The following DSCAM variants were observed in gnomAD, a reference collection of about 807,000 sequenced individuals.
DSCAM encodes the protein DS cell adhesion molecule, also known as cell adhesion molecule DSCAM.
A neutral mutation model predicts 217.7 loss-of-function variants in DSCAM; 47 were observed. The observed-to-expected ratio is 0.22, with a 90% CI of 0.17 to 0.28. DSCAM has a LOEUF of 0.28. Ranked by LOEUF, DSCAM falls within the 10% of genes least tolerant of loss-of-function variation. The pLI is 1.00. For missense variants in DSCAM, 2,080 were observed against 2,618.3 expected (o/e 0.79, Z 4.49); for synonymous variants, 1,056 against 1,015.3 (o/e 1.04, Z -0.76).
intron 30 of DSCAM, 52 bp downstream of exon 30, chr21:40,051,906 T>G: frequency 3.9e-6 from 6 of 1,554,740 alleles, no homozygotes; most frequent in Non-Finnish European, 5.2e-6. Context: ...AACATTACTA[T>G]GTTTTCAGCA....
intron 3 of DSCAM, among the ~76,000 whole-genome samples, chr21:40,664,987 T>G (rs1292570983): frequency 6.6e-6 from 1 of 152,166 alleles, no homozygotes; most frequent in East Asian, 1.9e-4. Context: ...TCTCTCCCTC[T>G]TGTTCCTGCT....
intron 32 of DSCAM, among the ~76,000 whole-genome samples, chr21:40,017,614 T>C (rs1194101765): frequency 1.3e-5 from 2 of 151,092 alleles, no homozygotes; most frequent in East Asian, 3.9e-4. Context: ...CAGGCTGGAG[T>C]GCAACTCGGT....
chr21:40,506,006 T>C (rs2076207515), intron 3 of DSCAM, among the ~76,000 whole-genome samples: 1 of 152,204 alleles, frequency 6.6e-6, no homozygotes, highest in African/African-American at 2.4e-5. Flanking sequence ...AAACAAGATA[T>C]AAAGTCACTG....
Position 40,637,653 on chromosome 21 carries a change from A to AAATATATATC in DSCAM, c.508+55156_508+55157insGATATATATT, listed in dbSNP as rs2089821960. Among the ~76,000 whole-genome samples, 7 of 12,396 alleles carry AAATATATATC rather than the reference A, an allele frequency of 5.6e-4. 1 individual carries two copies. The highest frequency in any genetic ancestry group is 3.0e-3 in the East Asian group (3 of 1,006). The allele number at this position is 12,396 out of a possible 152,430, so 8.1% of individuals were successfully genotyped here. ...TATAAATATATATAAATATATATCT[A>AAATATATATC]TATATATATATATAAATTTTTTTCT... On this transcript the variant is annotated intron_variant, in intron 3 of 32. Transcript: ENST00000400454.
chr21:40,820,224 T>A (rs147106065), intron 1 of DSCAM, among the ~76,000 whole-genome samples: 1 of 152,050 alleles, frequency 6.6e-6, no homozygotes, highest in African/African-American at 2.4e-5. Flanking sequence ...TGCCCATCAA[T>A]GATAAACTAG....
chr21:40,645,022 C>T (rs1164619561), intron 3 of DSCAM, among the ~76,000 whole-genome samples: 1 of 152,196 alleles, frequency 6.6e-6, no homozygotes, highest in African/African-American at 2.4e-5. Context: ...TTTATTCCAG[C>T]TTCAGGTTTT....
chr21:40,405,217 G>T (rs2075270162), intron 3 of DSCAM, among the ~76,000 whole-genome samples: 1 of 152,110 alleles, frequency 6.6e-6, no homozygotes, highest in African/African-American at 2.4e-5. Flanking sequence ...GTAGACCCTG[G>T]GAAAATGTAA....
Position 40,016,922 on chromosome 21 carries a change from C to A in DSCAM, c.5687-3536G>T, listed in dbSNP as rs970013883. Among the ~76,000 whole-genome samples, 2 of 152,056 alleles carry A rather than the reference C, an allele frequency of 1.3e-5. No homozygotes were observed. Among genetic ancestry groups the A allele is most frequent in the Admixed American group, 6.5e-5 (1 of 15,278 alleles). On this transcript the variant is annotated intron_variant, in intron 32 of 32. Transcript: ENST00000400454. This position sits in a 1 kb window ranked among gnomAD's most constrained non-coding sequence, Gnocchi z 4.3. ...CCTGAGGTCAGGTGTTCGAGACCAG[C>A]CAGGCCAAAATGGGGAAACCCCGTC...
In DSCAM at chr21:40,739,681, A is replaced by G. The variant is rs370190354; in HGVS notation, c.44-30910T>C. ...ACATCCCGAGGTACTGGGGGTTAGG[A>G]ATTCAACATATAATTTTTTTAAAAG... is the stretch of plus-strand genomic sequence containing the variant. On this transcript the variant is annotated intron_variant, in intron 1 of 32. Coordinates refer to ENST00000400454, the MANE Select transcript of DSCAM (RefSeq NM_001389.5). Among the ~76,000 whole-genome samples the G allele has an allele frequency of 9.9e-5, 15 of 152,260 alleles. No homozygotes were observed. In the East Asian group the frequency reaches 1.9e-3, roughly 20 times the overall value.
At chr21:40,412,042 T>C (rs960845416) in intron 3 of DSCAM, among the ~76,000 whole-genome samples, 1 of 152,178 alleles carries the variant, frequency 6.6e-6, no homozygotes, top group African/African-American at 2.4e-5. Context: ...GGAAACCCGT[T>C]TCATTTGGCA....
At chr21:40,461,149 T>C (rs1424168164) in intron 3 of DSCAM, among the ~76,000 whole-genome samples, 3 of 152,122 alleles carry the variant, frequency 2.0e-5, no homozygotes, top group Non-Finnish European at 4.4e-5. Context: ...TGAAGTATTA[T>C]TCACATAGGC....
chr21:40,068,187 C>T (rs1289517638), intron 27 of DSCAM, among the ~76,000 whole-genome samples: 1 of 152,164 alleles, frequency 6.6e-6, no homozygotes, highest in East Asian at 1.9e-4. Context: ...ACTCTGAATG[C>T]TGCAAAGAGG....
intron 3 of DSCAM, among the ~76,000 whole-genome samples, chr21:40,665,150 A>T (rs926004639): frequency 1.3e-5 from 2 of 152,182 alleles, no homozygotes; most frequent in Admixed American, 1.3e-4. Context: ...ATAAATAGCA[A>T]GCAAAGGAAT....
chr21:40,234,765 T>C (rs927163952), intron 11 of DSCAM, among the ~76,000 whole-genome samples: 13 of 152,178 alleles, frequency 8.5e-5, no homozygotes, highest in African/African-American at 3.1e-4. Context: ...TTTTCTTTTT[T>C]TGCTGATAGA....
intron 3 of DSCAM, among the ~76,000 whole-genome samples, chr21:40,553,848 G>A (rs1033381200): frequency 2.0e-5 from 3 of 152,106 alleles, no homozygotes; most frequent in Non-Finnish European, 4.4e-5. Flanking sequence ...AAAGGTTCAT[G>A]AAAGATCACC....
chr21:40,021,802 G>A (rs2088277724), intron 32 of DSCAM, among the ~76,000 whole-genome samples: 1 of 152,096 alleles, frequency 6.6e-6, no homozygotes, highest in African/African-American at 2.4e-5. Context: ...GTCCTGAAAT[G>A]TACAGATTCC....
chr21:40,392,264 GAAT>G (rs1013732004), intron 3 of DSCAM, among the ~76,000 whole-genome samples: 2 of 152,074 alleles, frequency 1.3e-5, no homozygotes, highest in African/African-American at 4.8e-5. Context: ...CAGGTATTAA[GAAT>G]AATAATCATG....
At chr21:40,290,257 A>G (rs1362632592) in intron 10 of DSCAM, among the ~76,000 whole-genome samples, 1 of 152,230 alleles carries the variant, frequency 6.6e-6, no homozygotes. Flanking sequence ...GAATCTACAT[A>G]TTAAATAGAT....
At chr21:40,165,365 A>C (rs2090583201) in intron 16 of DSCAM, among the ~76,000 whole-genome samples, 1 of 152,248 alleles carries the variant, frequency 6.6e-6, no homozygotes, top group Non-Finnish European at 1.5e-5. Flanking sequence ...AGCTGGTGAC[A>C]GGGCAGCCCC....
Sources: allele counts gnomAD v4.1 joint callset (sites outside exome capture counted in the v4.1 genomes callset), GRCh38; gene constraint gnomAD v4.1.1; non-coding constraint Gnocchi (gnomAD v3.1); transcripts MANE v1.5; gene names NCBI Gene and HGNC (gene_info 2026-07-23, HGNC 2026-07-21).